Variants in NELL2 observed in about 807,000 individuals in gnomAD.
NELL2 encodes the protein protein kinase C-binding protein NELL2.
In NELL2, 41 loss-of-function variants were observed where a neutral mutation model predicts 109.6. The observed-to-expected ratio is 0.37, with a 90% CI of 0.29 to 0.49. NELL2 has a LOEUF of 0.49. Ranked by LOEUF, NELL2 falls within the 20% of genes least tolerant of loss-of-function variation. NELL2 has a pLI of 0.98. For synonymous variants in NELL2, 355 were observed against 344.7 expected (o/e 1.03, Z -0.33); for missense variants, 900 against 1,008.3 (o/e 0.89, Z 1.45).
chr12:44,546,913 T>C (rs1942817399), intron 15 of NELL2, among the ~76,000 whole-genome samples: 1 of 152,226 alleles, frequency 6.6e-6, no homozygotes, highest in Admixed American at 6.5e-5. Context: ...AAAAGGAAGG[T>C]AACTGACAGT....
At chr12:44,838,357 G>C (rs1165006379) in intron 2 of NELL2, among the ~76,000 whole-genome samples, 1 of 152,106 alleles carries the variant, frequency 6.6e-6, no homozygotes, top group Non-Finnish European at 1.5e-5. Flanking sequence ...TGTACAAATT[G>C]TATCAGTCCC....
At chr12:44,553,969 G>A (rs149554395) in intron 15 of NELL2, among the ~76,000 whole-genome samples, 1 of 152,120 alleles carries the variant, frequency 6.6e-6, no homozygotes, top group Non-Finnish European at 1.5e-5. Context: ...AATATTTTAG[G>A]GCTTAATTAG....
intron 9 of NELL2, among the ~76,000 whole-genome samples, chr12:44,735,409 A>C (rs1301367606): frequency 2.0e-5 from 3 of 151,882 alleles, no homozygotes; most frequent in African/African-American, 7.2e-5. Context: ...ATGTAAATGA[A>C]ATCCAAGGCT....
chr12:44,633,953 A>G (rs1416370077), intron 13 of NELL2, among the ~76,000 whole-genome samples: 1 of 152,130 alleles, frequency 6.6e-6, no homozygotes, highest in Admixed American at 6.6e-5. Context: ...TTCAGACATA[A>G]TAAAAGGTTG....
chr12:44,720,826 T>C (rs1410420580), intron 9 of NELL2, among the ~76,000 whole-genome samples: 1 of 152,222 alleles, frequency 6.6e-6, no homozygotes, highest in African/African-American at 2.4e-5. Context: ...ATAGTAGTTA[T>C]GCAACCTCCC....
At chr12:44,535,440 A>G (rs1311430136) in intron 15 of NELL2, among the ~76,000 whole-genome samples, 1 of 152,050 alleles carries the variant, frequency 6.6e-6, no homozygotes, top group Admixed American at 6.6e-5. Flanking sequence ...ATGCACCAAG[A>G]ACTAAGTGCT....
At chr12:44,753,510 T>G (rs1204114688) in intron 9 of NELL2, among the ~76,000 whole-genome samples, 1 of 152,132 alleles carries the variant, frequency 6.6e-6, no homozygotes, top group African/African-American at 2.4e-5. Context: ...AAATATGGAA[T>G]GGGTAAGCTG....
intron 9 of NELL2, among the ~76,000 whole-genome samples, chr12:44,745,553 A>C (rs1028576310): frequency 3.3e-5 from 5 of 152,294 alleles, no homozygotes; most frequent in Admixed American, 1.3e-4. Flanking sequence ...TAGAAAACCC[A>C]ATCGTCTCAG....
At chr12:44,804,693 ATGTAT>A (rs1942942553) in intron 3 of NELL2, among the ~76,000 whole-genome samples, 1 of 151,946 alleles carries the variant, frequency 6.6e-6, no homozygotes. Flanking sequence ...ACAAAAAGAG[ATGTAT>A]TGTAATGCCA....
At chr12:44,557,733 T>C (rs1943310906) in intron 15 of NELL2, among the ~76,000 whole-genome samples, 1 of 152,096 alleles carries the variant, frequency 6.6e-6, no homozygotes, top group Non-Finnish European at 1.5e-5. Context: ...TATTGTTTGA[T>C]ATATACTGCA....
intron 12 of NELL2, among the ~76,000 whole-genome samples, chr12:44,687,884 T>C (rs1323905136): frequency 6.6e-6 from 1 of 152,220 alleles, no homozygotes; most frequent in Non-Finnish European, 1.5e-5. Flanking sequence ...GGCAATTTAT[T>C]ATTTTTAATA....
intron 3 of NELL2, among the ~76,000 whole-genome samples, chr12:44,807,074 C>A (rs1012503741): frequency 6.6e-5 from 10 of 151,066 alleles, no homozygotes; most frequent in Non-Finnish European, 1.3e-4. Context: ...ATAGGAAAAA[C>A]CATTTCAAAA....
At chr12:44,910,436 A>G (rs1212917381) in intron 1 of NELL2, among the ~76,000 whole-genome samples, 2 of 151,906 alleles carry the variant, frequency 1.3e-5, no homozygotes, top group African/African-American at 4.8e-5. Context: ...TAGAAAGGCT[A>G]TTATTAAAAA....
rs148581001 is a variant in NELL2 at position 44,519,185 on chromosome 12, T to A, written c.2400+820A>T. Among the ~76,000 whole-genome samples, 380 of 152,304 alleles carry A rather than the reference T, an allele frequency of 2.5e-3. 1 individual carries two copies. The highest frequency in any genetic ancestry group is 8.6e-3 in the African/African-American group (356 of 41,578). On this transcript the variant is annotated intron_variant, in intron 19 of 19. Coordinates refer to ENST00000429094, the MANE Select transcript of NELL2 (RefSeq NM_001145108.2). ...TCTGGCTATGTTATGCTGAGAAAAA[T>A]CTGACACGTCTGCTATTTAGTTGTT...
At chr12:44,857,017 C>CA (rs1944704079) in intron 2 of NELL2, among the ~76,000 whole-genome samples, 1 of 151,894 alleles carries the variant, frequency 6.6e-6, no homozygotes, top group Non-Finnish European at 1.5e-5. Flanking sequence ...TTACTTTACA[C>CA]AAAAAAATTA....
rs184331464 is a variant in NELL2 at position 44,709,855 on chromosome 12, G to A, written c.1189+1437C>T. On this transcript the variant is annotated intron_variant, in intron 11 of 19. Coordinates refer to ENST00000429094, the MANE Select transcript of NELL2 (RefSeq NM_001145108.2). Reference sequence around the variant, plus strand: ...TAGTCAAGCTGCAAACTGGAGGACTGAATCCAAAGAGCATTCTTGATTCAT... The same window carrying A: ...TAGTCAAGCTGCAAACTGGAGGACTAAATCCAAAGAGCATTCTTGATTCAT... Among the ~76,000 whole-genome samples the A allele has an allele frequency of 2.6e-3, 401 of 152,290 alleles. 4 individuals carry two copies. Among genetic ancestry groups the A allele is most frequent in the African/African-American group, 8.7e-3 (363 of 41,576 alleles).
intron 15 of NELL2, among the ~76,000 whole-genome samples, chr12:44,566,788 T>G (rs866265431): frequency 1.3e-5 from 2 of 152,274 alleles, no homozygotes; most frequent in Non-Finnish European, 2.9e-5. Context: ...AAAAGCATTT[T>G]GAAAATTATG....
chr12:44,801,168 T>A (rs1006202027), intron 3 of NELL2, among the ~76,000 whole-genome samples: 1 of 152,134 alleles, frequency 6.6e-6, no homozygotes, highest in Non-Finnish European at 1.5e-5. Context: ...AGTTTTGCCA[T>A]TAACTTTTTA....
chr12:44,624,828 G>C (rs967583207), intron 13 of NELL2, among the ~76,000 whole-genome samples: 1 of 151,358 alleles, frequency 6.6e-6, no homozygotes, highest in Non-Finnish European at 1.5e-5. Flanking sequence ...TCCTCCACGC[G>C]CAATCCAAAA....
Sources: gnomAD v4.1 joint callset for allele counts (sites outside exome capture counted in the v4.1 genomes callset) on GRCh38, gnomAD v4.1.1 for gene constraint, MANE v1.5 for transcripts, NCBI Gene and HGNC (gene_info 2026-07-23, HGNC 2026-07-21) for gene names.